Variants in EEIG2 observed in about 807,000 individuals in gnomAD.
EEIG2 encodes the protein EEIG family member 2, also known as family with sequence similarity 102 member B.
the EEIG2 span, chr1:108,629,466 G>C: frequency 1.6e-6 from 1 of 625,464 alleles, no homozygotes; most frequent in Non-Finnish European, 2.7e-6. Flanking sequence ...ATATAACTTT[G>C]GTTTTTAAGT....
At chr1:108,570,209 A>T in the EEIG2 span, among the ~76,000 whole-genome samples, 10 of 152,170 alleles carry the variant, frequency 6.6e-5, no homozygotes, top group Admixed American at 1.3e-4. Flanking sequence ...GGGTTTTTTT[A>T]AAAGTCTAGC....
At chr1:108,628,883 G>A in the EEIG2 span, 1 of 1,316,720 alleles carries the variant, frequency 7.6e-7, no homozygotes, top group Non-Finnish European at 1.1e-6. Flanking sequence ...AAGAGGCTCA[G>A]AACATCATAA....
the EEIG2 span, chr1:108,639,070 G>C: frequency 6.6e-6 from 1 of 152,192 alleles, no homozygotes; most frequent in African/African-American, 2.4e-5. Flanking sequence ...TTGATTTTTT[G>C]GAAGGTGATA....
the EEIG2 span, chr1:108,629,797 C>T: frequency 1.1e-5 from 8 of 698,096 alleles, no homozygotes; most frequent in Non-Finnish European, 2.1e-5. Context: ...CGAAGAGTTA[C>T]AGCTCTTAGT....
the EEIG2 span, among the ~76,000 whole-genome samples, chr1:108,617,292 T>C: frequency 1.3e-5 from 2 of 152,122 alleles, no homozygotes; most frequent in African/African-American, 4.8e-5. Flanking sequence ...TTGTGGCTGC[T>C]AGATAGGGAA....
chr1:108,585,273 T>A, the EEIG2 span, among the ~76,000 whole-genome samples: 1 of 152,176 alleles, frequency 6.6e-6, no homozygotes, highest in Non-Finnish European at 1.5e-5. Flanking sequence ...AGATAACTTA[T>A]ATAAACCCTA....
the EEIG2 span, among the ~76,000 whole-genome samples, chr1:108,579,766 T>TGAGAGAGAGAGAGAGAGA: frequency 0.035 from 506 of 14,602 alleles, 1 homozygote; most frequent in Non-Finnish European, 0.081. Context: ...TGTGTGTGTG[T>TGAGAGAGAGAGAGAGAGA]GTGTGTGAGA....
At chr1:108,593,632 G>A in the EEIG2 span, among the ~76,000 whole-genome samples, 1 of 152,278 alleles carries the variant, frequency 6.6e-6, no homozygotes, top group East Asian at 1.9e-4. Flanking sequence ...CATTTGACTA[G>A]TCAAGCTGGT....
At chr1:108,560,534 G>T in the EEIG2 span, 1 of 1,611,704 alleles carries the variant, frequency 6.2e-7, no homozygotes, top group Non-Finnish European at 8.5e-7. Context: ...GCGGCTGCTG[G>T]ACGGCGGCAG....
chr1:108,593,541 G>A, the EEIG2 span, among the ~76,000 whole-genome samples: 8 of 152,228 alleles, frequency 5.3e-5, no homozygotes, highest in Admixed American at 4.6e-4. Context: ...GTAAAATCAG[G>A]GTTCTCCTTT....
the EEIG2 span, among the ~76,000 whole-genome samples, chr1:108,609,600 A>G: frequency 6.6e-6 from 1 of 152,196 alleles, no homozygotes. Context: ...AAAGGCCTTG[A>G]AGTGATCTTG....
At chr1:108,639,230 CCTTTT>C in the EEIG2 span, 60 of 141,434 alleles carry the variant, frequency 4.2e-4, no homozygotes, top group African/African-American at 1.5e-3. Flanking sequence ...GGAAATGTTT[CCTTTT>C]TTTTTTTTTT....
At chr1:108,572,566 A>C in the EEIG2 span, among the ~76,000 whole-genome samples, 1 of 151,634 alleles carries the variant, frequency 6.6e-6, no homozygotes, top group African/African-American at 2.4e-5. Flanking sequence ...TGTGTGTTCC[A>C]CCTTTTCATT....
the EEIG2 span, among the ~76,000 whole-genome samples, chr1:108,613,543 T>C: frequency 5.8e-3 from 882 of 152,284 alleles, 23 homozygotes; most frequent in East Asian, 0.067. Context: ...AGCCAACTCA[T>C]GGAGTAATTT....
the EEIG2 span, among the ~76,000 whole-genome samples, chr1:108,629,193 C>T: frequency 6.6e-6 from 1 of 152,072 alleles, no homozygotes; most frequent in South Asian, 2.1e-4. Context: ...TTCATTCCCT[C>T]CTTAGAATTT....
the EEIG2 span, among the ~76,000 whole-genome samples, chr1:108,615,014 C>A: frequency 1.6e-3 from 245 of 152,126 alleles, 1 homozygote; most frequent in African/African-American, 5.5e-3. Context: ...ATAGATTTGG[C>A]ATTTAAAGAG....
chr1:108,573,316 T>G, the EEIG2 span, among the ~76,000 whole-genome samples: 1 of 152,230 alleles, frequency 6.6e-6, no homozygotes, highest in Non-Finnish European at 1.5e-5. Context: ...TTCCTGCCGA[T>G]TCATCCAAGA....
At chr1:108,632,275 T>C in the EEIG2 span, among the ~76,000 whole-genome samples, 1 of 152,104 alleles carries the variant, frequency 6.6e-6, no homozygotes, top group Non-Finnish European at 1.5e-5. Flanking sequence ...TAATATAACA[T>C]AGTTCAGGTT....
the EEIG2 span, among the ~76,000 whole-genome samples, chr1:108,565,594 C>T: frequency 6.6e-6 from 1 of 151,988 alleles, no homozygotes; most frequent in Admixed American, 6.5e-5. Context: ...TTTAGAATTC[C>T]CTAGTTTGCC....
Sources: allele counts gnomAD v4.1 joint callset (sites outside exome capture counted in the v4.1 genomes callset), GRCh38; gene constraint gnomAD v4.1.1; transcripts MANE v1.5; gene names NCBI Gene and HGNC (gene_info 2026-07-23, HGNC 2026-07-21).